The following MALRD1 variants were observed in gnomAD, a reference collection of about 807,000 sequenced individuals.
The protein encoded by MALRD1 is MAM and LDL-receptor class A domain-containing protein 1.
Under a neutral mutation model 242.1 loss-of-function variants are expected in MALRD1, and 247 were observed. The observed-to-expected ratio is 1.02, with a 90% confidence interval of 0.92 to 1.13. The LOEUF is 1.13. Among genes scored for constraint, MALRD1 ranks in the 50% most tolerant of loss-of-function variants. The pLI is 0.00. For missense variants in MALRD1, 2,989 were observed against 2,533.1 expected, an observed-to-expected ratio of 1.18 and a Z score of -3.86; for synonymous variants, 995 against 866.6, an observed-to-expected ratio of 1.15 and a Z score of -2.60.
chr10:19,154,547 C>T (rs1201485576), intron 11 of MALRD1, among the ~76,000 whole-genome samples: 1 of 152,202 alleles, frequency 6.6e-6, no homozygotes, highest in African/African-American at 2.4e-5. Context: ...GCCATGAGCA[C>T]ATCCGTCGTA....
chr10:19,583,685 CT>C (rs1369786383), intron 33 of MALRD1, among the ~76,000 whole-genome samples: 2 of 151,916 alleles, frequency 1.3e-5, no homozygotes, highest in Non-Finnish European at 2.9e-5. Flanking sequence ...CTAAAATTCT[CT>C]TTTTTGGTTG....
intron 28 of MALRD1, among the ~76,000 whole-genome samples, chr10:19,425,743 A>G (rs1833881313): frequency 6.6e-6 from 1 of 152,192 alleles, no homozygotes; most frequent in Non-Finnish European, 1.5e-5. Context: ...ATTTCTTGAT[A>G]GAACAAATAG....
In MALRD1 at chr10:19,238,000, G is replaced by T. The variant is rs1269326839; in HGVS notation, c.2992-19684G>T. 6.2e-5 allele frequency among the ~76,000 whole-genome samples: 2 copies of T among 32,458 alleles called. 1 individual carries two copies. Among genetic ancestry groups the T allele is most frequent in the Admixed American group, 7.5e-4 (2 of 2,666 alleles). 21.3% of individuals were successfully genotyped at this position (32,458 alleles called of 152,430 possible). Reference sequence around the variant, plus strand: ...ATATAATTATATGTAATTTTATACAGTTATATATAATTATATGTAATTTTA... The same window carrying T: ...ATATAATTATATGTAATTTTATACATTTATATATAATTATATGTAATTTTA... On this transcript the variant is annotated intron_variant, in intron 18 of 39. Coordinates refer to ENST00000454679, the MANE Select transcript of MALRD1 (RefSeq NM_001142308.3).
At chr10:19,543,429 A>ATTTTTTTTTT (rs1364193801) in intron 32 of MALRD1, among the ~76,000 whole-genome samples, 8 of 43,872 alleles carry the variant, frequency 1.8e-4, no homozygotes, top group Admixed American at 4.7e-4. Flanking sequence ...TGCCCAGCTG[A>ATTTTTTTTTT]TTTCTTTTTT....
intron 34 of MALRD1, among the ~76,000 whole-genome samples, chr10:19,606,107 A>C (rs1838609606): frequency 2.0e-5 from 3 of 152,196 alleles, no homozygotes; most frequent in South Asian, 4.1e-4. Flanking sequence ...TTCAGAGTTA[A>C]TTGTGTCAAT....
At chr10:19,229,205 C>T (rs769105742) in intron 18 of MALRD1, among the ~76,000 whole-genome samples, 18 of 151,992 alleles carry the variant, frequency 1.2e-4, no homozygotes, top group Non-Finnish European at 2.2e-4. Flanking sequence ...ACCTACGTAA[C>T]AATATATCAG....
In MALRD1 at chr10:19,510,811, CAAAT is replaced by C. The variant is rs554786099; in HGVS notation, c.5320+12170_5320+12173del. ...CCCTAAGAATCATATGAATTAAAAT[CAAAT>C]AAATCAAAAAATAAACCAGAAGTGG... On this transcript the variant is annotated intron_variant, in intron 31 of 39. Transcript: ENST00000454679. Among the ~76,000 whole-genome samples the C allele has an allele frequency of 1.9e-4, 29 of 152,250 alleles. No homozygotes were observed. In the South Asian group the frequency reaches 5.6e-3, roughly 29 times the overall value.
intron 21 of MALRD1, among the ~76,000 whole-genome samples, chr10:19,309,442 G>T (rs1168384364): frequency 6.6e-6 from 1 of 151,212 alleles, no homozygotes; most frequent in Admixed American, 6.6e-5. Flanking sequence ...TTATATATAG[G>T]GTTCTCTACA....
At chr10:19,243,047 G>A (rs1021389202) in intron 18 of MALRD1, among the ~76,000 whole-genome samples, 10 of 146,382 alleles carry the variant, frequency 6.8e-5, no homozygotes, top group Admixed American at 4.9e-4. Flanking sequence ...GTGGTGCTAA[G>A]CTTTGTTTCT....
At chr10:19,100,848 A>G (rs1836225191) in intron 4 of MALRD1, among the ~76,000 whole-genome samples, 1 of 152,044 alleles carries the variant, frequency 6.6e-6, no homozygotes, top group African/African-American at 2.4e-5. Context: ...TATAGTTAAC[A>G]CTTACTTCTA....
intron 28 of MALRD1, among the ~76,000 whole-genome samples, chr10:19,441,693 C>G (rs1055980690): frequency 6.6e-6 from 1 of 152,126 alleles, no homozygotes; most frequent in Non-Finnish European, 1.5e-5. Context: ...TGGTCTATAT[C>G]TGTTTTTTGG....
At chr10:19,518,499 C>A (rs1341913911) in intron 31 of MALRD1, among the ~76,000 whole-genome samples, 1 of 151,906 alleles carries the variant, frequency 6.6e-6, no homozygotes, top group Non-Finnish European at 1.5e-5. Flanking sequence ...TTTGAAATTA[C>A]AGAGTCTCTA....
chr10:19,480,908 A>C (rs866956900), intron 29 of MALRD1, among the ~76,000 whole-genome samples: 1 of 152,126 alleles, frequency 6.6e-6, no homozygotes, highest in Non-Finnish European at 1.5e-5. Flanking sequence ...AGGGTTCAGC[A>C]ATCAATTGTT....
At chr10:19,420,317 G>A (rs1833675359) in intron 28 of MALRD1, among the ~76,000 whole-genome samples, 1 of 152,084 alleles carries the variant, frequency 6.6e-6, no homozygotes, top group Admixed American at 6.5e-5. Context: ...AGTCAGGGTG[G>A]AGCCGGTAAT....
Position 19,388,057 on chromosome 10 carries a change from A to G in MALRD1, c.4687+284A>G, listed in dbSNP as rs368576155. On this transcript the variant is annotated intron_variant, in intron 27 of 39. Transcript: ENST00000454679. ...CTTCTGAGGGTTGTGAGGGAGCATGATCTCTTCCATGTCCCCTCTTAGATT... is the reference window on the plus strand; with the variant it reads ...CTTCTGAGGGTTGTGAGGGAGCATGGTCTCTTCCATGTCCCCTCTTAGATT... 2.6e-5 allele frequency among the ~76,000 whole-genome samples: 4 copies of G among 152,068 alleles called. No individual in the cohort carries two copies. In the East Asian group the frequency reaches 5.8e-4, roughly 22 times the overall value.
intron 14 of MALRD1, among the ~76,000 whole-genome samples, chr10:19,202,459 A>G (rs984434283): frequency 6.6e-6 from 1 of 152,160 alleles, no homozygotes; most frequent in Non-Finnish European, 1.5e-5. Flanking sequence ...TCAAAATGAT[A>G]TTTTTATCAT....
chr10:19,486,541 A>G (rs1837244775), intron 29 of MALRD1, among the ~76,000 whole-genome samples: 1 of 152,136 alleles, frequency 6.6e-6, no homozygotes, highest in South Asian at 2.1e-4. Flanking sequence ...AAAGCTGAAT[A>G]TGTGGTTTTG....
intron 24 of MALRD1, among the ~76,000 whole-genome samples, chr10:19,340,231 G>A (rs1489104517): frequency 1.3e-5 from 2 of 151,888 alleles, no homozygotes; most frequent in East Asian, 3.9e-4. Flanking sequence ...ACAGAGAATG[G>A]GATATCTACC....
At chr10:19,066,685 G>C (rs1414921713) in intron 1 of MALRD1, 34 bp from the exon 2 acceptor site, 1 of 1,231,954 alleles carries the variant, frequency 8.1e-7, no homozygotes, top group Non-Finnish European at 1.0e-6. Context: ...GCTAAACACA[G>C]TTGTGAAAAC....
Sources: allele counts gnomAD v4.1 joint callset (sites outside exome capture counted in the v4.1 genomes callset), GRCh38; gene constraint gnomAD v4.1.1; transcripts MANE v1.5; gene names NCBI Gene and HGNC (gene_info 2026-07-23, HGNC 2026-07-21).